RAB4A: variants seen among roughly 807,000 people sequenced by gnomAD.
The protein encoded by RAB4A is RAB4A, member RAS oncogene family.
In RAB4A, 20 loss-of-function variants were observed where a neutral mutation model predicts 34.5. The ratio of observed to expected loss-of-function variants is 0.58; its 90% CI spans 0.41 to 0.84. The LOEUF (loss-of-function observed/expected upper bound fraction) is 0.84, where lower values mean the gene tolerates loss of function less well. RAB4A is among the 40% of genes least tolerant of loss of function. The probability of loss-of-function intolerance (pLI) is 0.00; values close to 1 mark genes in which losing one functional copy is unlikely to be tolerated. For synonymous variants in RAB4A, 102 were observed against 100.0 expected (o/e 1.02, Z -0.12); for missense variants, 228 against 274.5 (o/e 0.83, Z 1.20).
chr1:229,273,671 G>C (rs891287337), intron 1 of RAB4A, among the ~76,000 whole-genome samples: 1 of 152,168 alleles, frequency 6.6e-6, no homozygotes, highest in Non-Finnish European at 1.5e-5. Context: ...CCCAGGAGGT[G>C]AAGTTTACAG....
At chr1:229,296,482 TAAA>T (rs527355034) in intron 4 of RAB4A, among the ~76,000 whole-genome samples, 1 of 152,180 alleles carries the variant, frequency 6.6e-6, no homozygotes, top group African/African-American at 2.4e-5. Flanking sequence ...TTAACTGAAA[TAAA>T]AAATTCTGTT....
At chr1:229,279,979 G>T (rs112287812) in intron 1 of RAB4A, among the ~76,000 whole-genome samples, 2,982 of 152,180 alleles carry the variant, frequency 0.02, 102 homozygotes, top group African/African-American at 0.068. Context: ...TAGGCATTTT[G>T]CCTTCATTAA....
At chr1:229,274,181 T>A (rs1656577734) in intron 1 of RAB4A, among the ~76,000 whole-genome samples, 1 of 150,592 alleles carries the variant, frequency 6.6e-6, no homozygotes, top group Non-Finnish European at 1.5e-5. Context: ...GCCTCCTGAG[T>A]AGCTGGGACC....
At position 229,305,178 on chromosome 1, in the gene RAB4A, T is replaced by C; in HGVS notation, c.*1385T>C. 6 of 1,605,548 alleles carry C rather than the reference T, an allele frequency of 3.7e-6. No individual in the cohort carries two copies. The highest frequency in any genetic ancestry group is 5.1e-6 in the Non-Finnish European group (6 of 1,176,952). ...TCAGTATGTATCTGTTTTAGATATT[T>C]TGAGTTTTGCTTTTTTTATGCCTTG... On this transcript the variant is annotated 3_prime_UTR_variant, in exon 8 of 8. Coordinates refer to ENST00000366690, the MANE Select transcript of RAB4A (RefSeq NM_004578.4).
At chr1:229,287,129 CT>C (rs1167214075) in intron 2 of RAB4A, among the ~76,000 whole-genome samples, 2 of 152,196 alleles carry the variant, frequency 1.3e-5, no homozygotes, top group East Asian at 3.9e-4. Flanking sequence ...ACAAAAAATG[CT>C]TTTTAATAAT....
chr1:229,295,869 C>T lies in RAB4A; in HGVS notation c.249C>T (p.Tyr83=), dbSNP rs1429774173. ...CCAGGTCCGTGACGAGAAGTTATTA[C>T]CGAGGCGCGGCCGGGGCTCTCCTCG... ...ERFRSVTRSY[Y]RGAAGALLVY... The change falls in exon 4 of 8, where the codon TAC becomes TAT. Residue 83 remains tyrosine (Y), a synonymous_variant. Transcript: ENST00000366690. The T allele has an allele frequency of 6.2e-7, 1 of 1,613,960 alleles. No individual in the cohort carries two copies. Among genetic ancestry groups the T allele is most frequent in the African/African-American group, 1.3e-5 (1 of 74,904 alleles).
At chr1:229,288,937 A>G in intron 3 of RAB4A, 94 bp downstream of exon 3, 1 of 742,842 alleles carries the variant, frequency 1.3e-6, no homozygotes, top group South Asian at 1.7e-5. Flanking sequence ...CTCCCTCCCC[A>G]ACACACCCCT....
Position 229,277,223 on chromosome 1 carries a change from G to A in RAB4A, c.31+5853G>A, listed in dbSNP as rs371399227. 4.6e-5 allele frequency among the ~76,000 whole-genome samples: 7 copies of A among 150,886 alleles called. No homozygotes were observed. The East Asian group carries it at 9.7e-4, about 21-fold the overall frequency. On this transcript the variant is annotated intron_variant, in intron 1 of 7. Transcript: ENST00000366690. ...TCAAAGACCCAATCACGAACCTGGA[G>A]CAATTGTTGGGAGTCTGTGCTGCAA...
chr1:229,274,381 G>A (rs898660511), intron 1 of RAB4A, among the ~76,000 whole-genome samples: 63 of 152,036 alleles, frequency 4.1e-4, no homozygotes, highest in African/African-American at 1.5e-3. Flanking sequence ...TACTGTTTAT[G>A]AGCTACCTCT....
intron 1 of RAB4A, among the ~76,000 whole-genome samples, chr1:229,271,757 G>A (rs1324022606): frequency 6.6e-6 from 1 of 152,232 alleles, no homozygotes; most frequent in East Asian, 1.9e-4. Flanking sequence ...AGCCTGTGAA[G>A]GGCTTAGGGC....
chr1:229,276,775 A>G (rs539331454), intron 1 of RAB4A, among the ~76,000 whole-genome samples: 2 of 151,230 alleles, frequency 1.3e-5, no homozygotes, highest in African/African-American at 4.9e-5. Context: ...AGTTTACATG[A>G]TTAAAAGGTA....
intron 1 of RAB4A, among the ~76,000 whole-genome samples, chr1:229,274,049 C>CTTTTTTTTTT (rs11339660): frequency 2.3e-5 from 2 of 86,846 alleles, no homozygotes; most frequent in Non-Finnish European, 4.2e-5. Context: ...TTTTGTTTCC[C>CTTTTTTTTTT]TTTTTTTTTT....
intron 1 of RAB4A, among the ~76,000 whole-genome samples, chr1:229,274,359 C>T (rs565713254): frequency 3.9e-5 from 6 of 152,094 alleles, no homozygotes; most frequent in Non-Finnish European, 8.8e-5. Flanking sequence ...GCCACTGTGC[C>T]CTGCTGAAAT....
chr1:229,272,095 T>C (rs1314437424), intron 1 of RAB4A, among the ~76,000 whole-genome samples: 3 of 152,080 alleles, frequency 2.0e-5, no homozygotes, highest in African/African-American at 7.2e-5. Context: ...AGCGAAAGCT[T>C]TCCCAGTGCA....
chr1:229,305,466 C>G lies in RAB4A; in HGVS notation c.*1673C>G. On this transcript the variant is annotated 3_prime_UTR_variant, in exon 8 of 8. Transcript: ENST00000366690. ...TAAACCACAGACACCATATATCCTT[C>G]TGCATCCTTTGGCCAATAAAAGTTG... is the stretch of plus-strand genomic sequence containing the variant. 1.8e-6 allele frequency: 1 copy of G among 554,222 alleles called. No homozygotes were observed. The highest frequency in any genetic ancestry group is 3.5e-5 in the East Asian group (1 of 28,406). 34.3% of individuals were successfully genotyped at this position (554,222 alleles called of 1,614,324 possible).
At chr1:229,294,682 A>G (rs1395871690) in intron 3 of RAB4A, among the ~76,000 whole-genome samples, 1 of 152,210 alleles carries the variant, frequency 6.6e-6, no homozygotes, top group Non-Finnish European at 1.5e-5. Context: ...TGTACTAAAA[A>G]TACAAAAATT....
At chr1:229,284,733 A>T (rs923785040) in intron 1 of RAB4A, among the ~76,000 whole-genome samples, 8 of 152,046 alleles carry the variant, frequency 5.3e-5, no homozygotes, top group African/African-American at 1.7e-4. Flanking sequence ...GTTCAGAGTT[A>T]TTTTTTATTT....
intron 3 of RAB4A, among the ~76,000 whole-genome samples, chr1:229,292,246 AAG>A (rs1491516591): frequency 1.4e-5 from 2 of 145,588 alleles, no homozygotes; most frequent in African/African-American, 2.8e-5. Flanking sequence ...GGAAAAAAAA[AAG>A]AAAATTTAAC....
At chr1:229,289,634 G>A (rs894521954) in intron 3 of RAB4A, among the ~76,000 whole-genome samples, 2 of 152,106 alleles carry the variant, frequency 1.3e-5, no homozygotes, top group African/African-American at 4.8e-5. Flanking sequence ...TGGCCAACAT[G>A]GTGTAACCCC....
Sources: gnomAD v4.1 joint callset for allele counts (sites outside exome capture counted in the v4.1 genomes callset) on GRCh38, gnomAD v4.1.1 for gene constraint, MANE v1.5 for transcripts, NCBI Gene and HGNC (gene_info 2026-07-23, HGNC 2026-07-21) for gene names.